UBAC2: variants seen among roughly 807,000 people sequenced by gnomAD.
UBAC2 encodes UBA domain containing 2.
In UBAC2, 26 loss-of-function variants were observed where a neutral mutation model predicts 44.0. The observed-to-expected ratio is 0.59, with a 90% CI of 0.43 to 0.82. The LOEUF (loss-of-function observed/expected upper bound fraction) is 0.82, where lower values mean the gene tolerates loss of function less well. Among genes scored for constraint, UBAC2 ranks in the 40% least tolerant of loss-of-function variants. The pLI, the probability that UBAC2 is intolerant of heterozygous loss-of-function variation, is 0.00. For missense variants in UBAC2, 329 were observed against 419.4 expected (o/e 0.78, Z 1.88); for synonymous variants, 155 against 154.3 (o/e 1.00, Z -0.04).
At chr13:99,360,868 C>G (rs2045255913) in intron 7 of UBAC2, among the ~76,000 whole-genome samples, 1 of 152,224 alleles carries the variant, frequency 6.6e-6, no homozygotes, top group South Asian at 2.1e-4. Context: ...CTTGCCTTCC[C>G]CCGAGGAGAT....
intron 6 of UBAC2, among the ~76,000 whole-genome samples, chr13:99,334,713 A>T (rs1298706141): frequency 6.6e-6 from 1 of 152,220 alleles, no homozygotes; most frequent in Non-Finnish European, 1.5e-5. Flanking sequence ...AACGTAGGAA[A>T]GGGGGAGTAA....
intron 7 of UBAC2, among the ~76,000 whole-genome samples, chr13:99,366,610 G>A (rs2045334386): frequency 7.2e-6 from 1 of 138,502 alleles, no homozygotes; most frequent in African/African-American, 2.5e-5. Context: ...TCCGGGGGAA[G>A]ACAGGCTTTT....
At chr13:99,305,072 ACT>A (rs1348555322) in intron 4 of UBAC2, among the ~76,000 whole-genome samples, 3 of 152,236 alleles carry the variant, frequency 2.0e-5, no homozygotes, top group Non-Finnish European at 1.5e-5. Flanking sequence ...GATTTAGAGT[ACT>A]GTTTTAACAG....
intron 5 of UBAC2, chr13:99,314,985 C>T (rs981691961): frequency 2.0e-5 from 3 of 152,192 alleles, no homozygotes; most frequent in Non-Finnish European, 4.4e-5. Context: ...GATTAATACT[C>T]ATAACATTCC....
At chr13:99,241,034 T>G (rs1198647702) in intron 2 of UBAC2, among the ~76,000 whole-genome samples, 1 of 152,132 alleles carries the variant, frequency 6.6e-6, no homozygotes, top group Non-Finnish European at 1.5e-5. Flanking sequence ...CCAACGTTTG[T>G]GGATGGATTG....
At position 99,214,359 on chromosome 13, in the gene UBAC2, G is replaced by A. The variant is rs955581500; in HGVS notation, c.31+13420G>A. On this transcript the variant is annotated intron_variant, in intron 1 of 8. Coordinates refer to ENST00000403766, the MANE Select transcript of UBAC2 (RefSeq NM_001144072.2). ...GACTGGATTCCTAAGTACCTAGTGT[G>A]GGTTTCCTCTTTGTTTGTGGGTACA... Among the ~76,000 whole-genome samples, 3 of 152,038 alleles carry A rather than the reference G, an allele frequency of 2.0e-5. No individual in the cohort carries two copies. The South Asian group carries it at 6.2e-4, about 32-fold the overall frequency.
At chr13:99,204,674 G>A (rs1282207672) in intron 1 of UBAC2, among the ~76,000 whole-genome samples, 2 of 149,140 alleles carry the variant, frequency 1.3e-5, no homozygotes, top group Admixed American at 6.6e-5. Context: ...GGCCTGAAGC[G>A]CGACCTGTGG....
intron 8 of UBAC2, among the ~76,000 whole-genome samples, chr13:99,373,433 G>A (rs1383396234): frequency 6.6e-6 from 1 of 152,150 alleles, no homozygotes; most frequent in African/African-American, 2.4e-5. Flanking sequence ...TCCTCTCTTC[G>A]ATTCATGTCT....
intron 4 of UBAC2, among the ~76,000 whole-genome samples, chr13:99,264,183 G>A (rs111654062): frequency 0.015 from 2,225 of 152,236 alleles, 26 homozygotes; most frequent in Non-Finnish European, 0.024. Flanking sequence ...TTTGAGAGAC[G>A]GTAAGCTTGA....
chr13:99,242,407 G>A (rs1402075298), intron 2 of UBAC2, among the ~76,000 whole-genome samples: 1 of 147,508 alleles, frequency 6.8e-6, no homozygotes, highest in Non-Finnish European at 1.5e-5. Flanking sequence ...GGGGCGGCCG[G>A]GCAGAGGCGC....
chr13:99,215,583 A>AG, intron 1 of UBAC2: 1 of 1,364,536 alleles, frequency 7.3e-7, no homozygotes, highest in Non-Finnish European at 1.0e-6. Context: ...GAGGTACTCC[A>AG]GGATGGCTGC....
At chr13:99,238,351 C>A (rs2142726480) in intron 1 of UBAC2, 76 bp from the exon 2 acceptor site, 5 of 1,536,836 alleles carry the variant, frequency 3.3e-6, no homozygotes, top group Non-Finnish European at 4.4e-6. Flanking sequence ...GAAGTGAATT[C>A]TCTTGCTTTT....
chr13:99,214,798 A>C (rs934887081), intron 1 of UBAC2, among the ~76,000 whole-genome samples: 4 of 149,490 alleles, frequency 2.7e-5, no homozygotes, highest in Non-Finnish European at 4.5e-5. Flanking sequence ...ATTTCTTTCC[A>C]ACTGGGATGG....
intron 8 of UBAC2, among the ~76,000 whole-genome samples, chr13:99,373,587 A>C (rs2045438953): frequency 6.6e-6 from 1 of 152,230 alleles, no homozygotes; most frequent in Non-Finnish European, 1.5e-5. Flanking sequence ...ACAGGTGGAC[A>C]AAGAGCTTGT....
intron 4 of UBAC2, among the ~76,000 whole-genome samples, chr13:99,292,383 T>C (rs6491494): frequency 0.99 from 149,764 of 151,888 alleles, 73,857 homozygotes; most frequent in South Asian, 1. Context: ...ACCTCGTGAT[T>C]CACCCGCCTC....
chr13:99,316,306 T>C (rs1465413200), intron 5 of UBAC2, among the ~76,000 whole-genome samples: 1 of 152,076 alleles, frequency 6.6e-6, no homozygotes, highest in Non-Finnish European at 1.5e-5. Flanking sequence ...TCCTTTGTGC[T>C]AAAATGTCTG....
At chr13:99,339,394 A>G (rs2044850476) in intron 6 of UBAC2, among the ~76,000 whole-genome samples, 1 of 152,170 alleles carries the variant, frequency 6.6e-6, no homozygotes, top group Non-Finnish European at 1.5e-5. Context: ...TGACTTGATT[A>G]CTGCCTGTTC....
intron 8 of UBAC2, among the ~76,000 whole-genome samples, chr13:99,376,749 A>G (rs1343755248): frequency 3.3e-5 from 5 of 152,222 alleles, no homozygotes; most frequent in Admixed American, 3.3e-4. Flanking sequence ...TGGGGGCTAG[A>G]AACCAAGCTG....
intron 4 of UBAC2, among the ~76,000 whole-genome samples, chr13:99,252,432 C>T (rs1277763573): frequency 1.3e-5 from 2 of 152,304 alleles, no homozygotes; most frequent in Middle Eastern, 3.4e-3. Flanking sequence ...TAAGGGAAGG[C>T]CTTTGAACCA....
Sources: gnomAD v4.1 joint callset for allele counts (sites outside exome capture counted in the v4.1 genomes callset) on GRCh38, gnomAD v4.1.1 for gene constraint, MANE v1.5 for transcripts, NCBI Gene and HGNC (gene_info 2026-07-23, HGNC 2026-07-21) for gene names.